The following SHISAL2A variants were observed in gnomAD, a reference collection of about 807,000 sequenced individuals.
The protein encoded by SHISAL2A is protein shisa-like-2A.
A neutral mutation model predicts 11.5 loss-of-function variants in SHISAL2A; 18 were observed. The ratio of observed to expected loss-of-function variants is 1.57; its 90% CI spans 1.08 to 2.33. The LOEUF (loss-of-function observed/expected upper bound fraction) is 2.33. Among genes scored for constraint, SHISAL2A ranks in the 30% most tolerant of loss-of-function variants. The pLI is 0.00. For synonymous variants in SHISAL2A, 94 were observed against 99.6 expected, an observed-to-expected ratio of 0.94 and a Z score of 0.34; for missense variants, 261 against 250.9, an observed-to-expected ratio of 1.04 and a Z score of -0.27.
At chr1:52,642,428 AT>A (rs113827358) in intron 1 of SHISAL2A, among the ~76,000 whole-genome samples, 96 of 145,824 alleles carry the variant, frequency 6.6e-4, no homozygotes, top group Non-Finnish European at 5.6e-4. Context: ...CACAACACTA[AT>A]TTTTTTTTTT....
chr1:52,647,312 A>G (rs890431310), intron 2 of SHISAL2A, among the ~76,000 whole-genome samples: 3 of 152,108 alleles, frequency 2.0e-5, no homozygotes, highest in African/African-American at 7.2e-5. Context: ...CAGGAACATA[A>G]CCTTGTATTT....
downstream of SHISAL2A, among the ~76,000 whole-genome samples, chr1:52,661,752 C>A (rs558775028): frequency 6.6e-6 from 1 of 152,236 alleles, no homozygotes; most frequent in East Asian, 1.9e-4. Context: ...TAGAATACGG[C>A]CGGGCATGGT....
intron 2 of SHISAL2A, among the ~76,000 whole-genome samples, chr1:52,648,588 A>G (rs6679152): frequency 0.35 from 52,769 of 151,726 alleles, 9,273 homozygotes; most frequent in Middle Eastern, 0.42. Context: ...AATTTCACAC[A>G]CACCATCTCC....
At chr1:52,658,879 A>G (rs940527434), downstream of SHISAL2A, among the ~76,000 whole-genome samples, 1 of 152,180 alleles carries the variant, frequency 6.6e-6, no homozygotes, top group Non-Finnish European at 1.5e-5. Context: ...GGCAACAGTG[A>G]AAGAGTCACT....
At chr1:52,642,298 T>A (rs1691383577) in intron 1 of SHISAL2A, among the ~76,000 whole-genome samples, 1 of 152,130 alleles carries the variant, frequency 6.6e-6, no homozygotes, top group South Asian at 2.1e-4. Flanking sequence ...GGGTCAGGTA[T>A]GAGTCCTTGG....
chr1:52,640,441 G>C (rs1446997543), intron 1 of SHISAL2A, among the ~76,000 whole-genome samples: 1 of 152,096 alleles, frequency 6.6e-6, no homozygotes, highest in Non-Finnish European at 1.5e-5. Flanking sequence ...ACATGCCAGG[G>C]CCTAGACAAT....
At chr1:52,657,184 C>A, downstream of SHISAL2A, 1 of 1,176,930 alleles carries the variant, frequency 8.5e-7, no homozygotes, top group Non-Finnish European at 1.2e-6. Flanking sequence ...CCCTGCCATA[C>A]TGTTCTGCTT....
Position 52,642,994 on chromosome 1 carries a change from AG to A in SHISAL2A, c.315del (p.Thr106GlnfsTer14). ...AAGTTGGACCTGGGCTTGAGCTTAC[AG>A]ACAGCAGGTAAGGAAGTTGCCAGGT... ...HTKLDLGLSL[Q>X]TAGPEEVSPD... On this transcript the variant is annotated frameshift_variant, in exon 2 of 3. Coordinates refer to ENST00000517870, the MANE Select transcript of SHISAL2A (RefSeq NM_001042693.3). LOFTEE classifies it low-confidence loss of function (END_TRUNC). The A allele has an allele frequency of 6.2e-7, 1 of 1,614,150 alleles. No individual in the cohort carries two copies. Among genetic ancestry groups the A allele is most frequent in the South Asian group, 1.1e-5 (1 of 91,074 alleles).
chr1:52,644,153 G>C (rs1260071942), intron 2 of SHISAL2A, among the ~76,000 whole-genome samples: 2 of 152,166 alleles, frequency 1.3e-5, no homozygotes, highest in Non-Finnish European at 2.9e-5. Context: ...TCACCATACT[G>C]GGTATGTGCA....
chr1:52,661,963 G>A (rs754681166), downstream of SHISAL2A, among the ~76,000 whole-genome samples: 3 of 151,952 alleles, frequency 2.0e-5, no homozygotes, highest in Non-Finnish European at 2.9e-5. Flanking sequence ...AACCCAGGAG[G>A]AGGAGGTTGC....
intron 2 of SHISAL2A, among the ~76,000 whole-genome samples, chr1:52,651,824 T>A (rs1691655656): frequency 6.6e-6 from 1 of 152,238 alleles, no homozygotes; most frequent in African/African-American, 2.4e-5. Context: ...AAATGCAGTC[T>A]ATTATGTAGA....
At chr1:52,657,198 C>T (rs1375487289), downstream of SHISAL2A, 2 of 993,352 alleles carry the variant, frequency 2.0e-6, no homozygotes, top group African/African-American at 3.2e-5. Context: ...TCTGCTTGGC[C>T]TATTGTGGGC....
downstream of SHISAL2A, chr1:52,657,097 G>A: frequency 6.6e-7 from 1 of 1,524,158 alleles, no homozygotes. Context: ...GTGAAAGGTG[G>A]GAGTGGGAAA....
intron 4 of SHISAL2A, among the ~76,000 whole-genome samples, chr1:52,664,766 G>A (rs1366949348): frequency 6.6e-6 from 1 of 152,046 alleles, no homozygotes; most frequent in Non-Finnish European, 1.5e-5. Context: ...AAAGTGCTGG[G>A]ATTACAGGCA....
chr1:52,638,582 G>A (rs1434194807), intron 1 of SHISAL2A, among the ~76,000 whole-genome samples: 4 of 152,188 alleles, frequency 2.6e-5, no homozygotes, highest in Non-Finnish European at 5.9e-5. Flanking sequence ...AGTAGTTTAT[G>A]TGGAAAGTGA....
At chr1:52,639,528 C>A (rs919478848) in intron 1 of SHISAL2A, among the ~76,000 whole-genome samples, 31 of 151,948 alleles carry the variant, frequency 2.0e-4, no homozygotes, top group Admixed American at 4.6e-4. Context: ...CCGAGGCGGG[C>A]GGATCACGAG....
At chr1:52,639,491 C>T (rs1384433477) in intron 1 of SHISAL2A, among the ~76,000 whole-genome samples, 4 of 152,106 alleles carry the variant, frequency 2.6e-5, no homozygotes, top group East Asian at 1.9e-4. Flanking sequence ...TGGTAGCTTA[C>T]GCCTGTAATC....
At chr1:52,638,196 A>G (rs1270399993) in intron 1 of SHISAL2A, among the ~76,000 whole-genome samples, 2 of 152,102 alleles carry the variant, frequency 1.3e-5, no homozygotes, top group African/African-American at 2.4e-5. Context: ...TCTGGAATGT[A>G]TCACCCCAGA....
At position 52,633,801 on chromosome 1, in the gene SHISAL2A, A is replaced by G. The variant is rs1691184338; in HGVS notation, c.182+126A>G. Reference sequence around the variant, plus strand: ...GCAAGCTCTAGTCCTTACCGTCCTCATGCCCACAGCATCAACCACCCCGTG... The same window carrying G: ...GCAAGCTCTAGTCCTTACCGTCCTCGTGCCCACAGCATCAACCACCCCGTG... On this transcript the variant is annotated intron_variant, in intron 1 of 2. Coordinates refer to ENST00000517870, the MANE Select transcript of SHISAL2A (RefSeq NM_001042693.3). The surrounding 1 kb of genome is among the most constrained non-coding windows in gnomAD (Gnocchi z 6.4). 1.5e-5 allele frequency: 11 copies of G among 720,008 alleles called. 1 individual carries two copies. Among genetic ancestry groups the G allele is most frequent in the Non-Finnish European group, 2.5e-5 (11 of 436,064 alleles). The allele number at this position is 720,008 out of a possible 1,614,324, so 44.6% of individuals were successfully genotyped here.
Sources: gnomAD v4.1 joint callset for allele counts (sites outside exome capture counted in the v4.1 genomes callset) on GRCh38, gnomAD v4.1.1 for gene constraint, Gnocchi (gnomAD v3.1) non-coding constraint, MANE v1.5 for transcripts, NCBI Gene and HGNC (gene_info 2026-07-23, HGNC 2026-07-21) for gene names.